The following SVIL variants were observed in gnomAD, a reference collection of about 807,000 sequenced individuals.
SVIL encodes the protein archvillin.
SVIL carries 101 observed loss-of-function variants against 240.4 expected under a neutral mutation model. The ratio of observed to expected loss-of-function variants is 0.42; its 90% confidence interval spans 0.36 to 0.50. The LOEUF is 0.50. Ranked by LOEUF, SVIL falls within the 20% of genes least tolerant of loss-of-function variation. The pLI is 0.01. For synonymous variants in SVIL, 999 were observed against 1,100.0 expected (o/e 0.91, Z 1.82); for missense variants, 2,512 against 2,818.7 (o/e 0.89, Z 2.46).
chr10:29,458,103 G>A lies in SVIL; in HGVS notation c.*144C>T, dbSNP rs1292002730. The stretch of plus-strand genomic sequence containing the variant: ...TACAAAATACACAACTCCGGGACAA[G>A]CAGTATCTTTAACAATGTCAGGTTC... On this transcript the variant is annotated 3_prime_UTR_variant, in exon 38 of 38. Transcript: ENST00000355867. 4 of 772,228 alleles carry A rather than the reference G, an allele frequency of 5.2e-6. No homozygotes were observed. Among genetic ancestry groups the A allele is most frequent in the East Asian group, 5.3e-5 (2 of 37,778 alleles). 47.8% of individuals were successfully genotyped at this position (772,228 alleles called of 1,614,324 possible). A position where few individuals can be genotyped will look rare whatever the true frequency, so the allele number is the denominator to read the frequency against.
intron 32 of SVIL, chr10:29,469,157 T>A (rs1945273047): frequency 6.6e-6 from 1 of 152,232 alleles, no homozygotes; most frequent in Non-Finnish European, 1.5e-5. Context: ...TTTCTTTTCC[T>A]CAGTGGTCCA....
Position 29,480,547 on chromosome 10 carries a change from C to G in SVIL, c.5367G>C (p.Val1789=), listed in dbSNP as rs975281369. The G allele has an allele frequency of 6.2e-7, 1 of 1,612,540 alleles. No individual in the cohort carries two copies. The highest frequency in any genetic ancestry group is 1.3e-5 in the African/African-American group (1 of 74,888). The part of the protein sequence containing the change: ...DAYVVKWKFM[V]STAVGSRQKG... ...CAAGCGCTCACTAACCTGCCGTGCTCACCATGAACTTCCACTTGACCACAT... is the reference window on the plus strand; with the variant it reads ...CAAGCGCTCACTAACCTGCCGTGCTGACCATGAACTTCCACTTGACCACAT... Residue 1789 remains valine, a synonymous_variant, in exon 29 of 38, where the codon GTG becomes GTC. Coordinates refer to ENST00000355867, the MANE Select transcript of SVIL (RefSeq NM_021738.3).
At chr10:29,620,180 A>G (rs796696827) in intron 1 of SVIL, among the ~76,000 whole-genome samples, 4 of 152,312 alleles carry the variant, frequency 2.6e-5, no homozygotes, top group African/African-American at 9.6e-5. Context: ...AAATCAGTCA[A>G]ACTTACAGAT....
At position 29,462,282 on chromosome 10, in the gene SVIL, C is replaced by T. The variant is rs1944354385; in HGVS notation, c.6397G>A (p.Glu2133Lys). The change falls in exon 36 of 38, where the codon GAG becomes AAG. Residue 2133 changes from glutamate (E) to lysine (K), a missense_variant. Glu to Lys is a moderately conservative substitution (Grantham distance 56, BLOSUM62 1). This residue lies in a region of SVIL where 797 missense variants were observed against 925.3 expected (regional missense o/e 0.86). Coordinates refer to ENST00000355867, the MANE Select transcript of SVIL (RefSeq NM_021738.3). ...GGGCAGGAAAGCGTGCTCACCATCT[C>T]TGTGATCTCAGCGATGTCCTCTCTG... ...EHREDIAEIT[E>K]MDTEVSNQIT... 1.2e-6 allele frequency: 2 copies of T among 1,614,174 alleles called. No homozygotes were observed. The highest frequency in any genetic ancestry group is 4.5e-5 in the East Asian group (2 of 44,882).
At chr10:29,462,424 G>T (rs1944371373) in intron 35 of SVIL, 23 bp from the exon 36 acceptor site, 1 of 1,612,988 alleles carries the variant, frequency 6.2e-7, no homozygotes, top group Non-Finnish European at 8.5e-7. Context: ...AGATTGCAAT[G>T]TCAGTAGACC....
chr10:29,599,465 G>T (rs1956731164), intron 1 of SVIL, among the ~76,000 whole-genome samples: 1 of 151,988 alleles, frequency 6.6e-6, no homozygotes, highest in Non-Finnish European at 1.5e-5. Context: ...GCCCAGGCTG[G>T]AGTGCAGAGG....
intron 17 of SVIL, among the ~76,000 whole-genome samples, chr10:29,509,380 A>AGAGAGAGAGAGAGAGT (rs1469849682): frequency 7.0e-6 from 1 of 141,948 alleles, no homozygotes; most frequent in Non-Finnish European, 1.5e-5. Context: ...AGAGAGAGAG[A>AGAGAGAGAGAGAGAGT]ATACCCAAAC....
chr10:29,725,251 G>A (rs940935259), intron 1 of SVIL, among the ~76,000 whole-genome samples: 2 of 151,920 alleles, frequency 1.3e-5, no homozygotes, highest in Admixed American at 6.6e-5. Context: ...GCAGAGGACC[G>A]CTCTTGTGTC....
rs1945102259 is a variant in SVIL, at chr10:29,467,861, G to C, written c.5858C>G (p.Ala1953Gly). Residue 1953 changes from alanine to glycine, a missense_variant, in exon 33 of 38, where the codon GCA (alanine) becomes GGA (glycine). By Grantham distance (60) the Ala-to-Gly change is moderately conservative. Around this residue, in one of 3 missense-constraint regions of SVIL, gnomAD observed 797 missense variants for 925.3 expected, o/e 0.86. Coordinates refer to ENST00000355867, the MANE Select transcript of SVIL (RefSeq NM_021738.3). ...NKIKEQCPLEAGLHSSSKVTI... is the reference protein window; with the variant it reads ...NKIKEQCPLEGGLHSSSKVTI... ...GACTTTGCTGCTACTATGCAGTCCT[G>C]CTTCCAGGGGACATCTGCAAGGGAG... The C allele has an allele frequency of 3.1e-6, 5 of 1,614,146 alleles. No homozygotes were observed. The highest frequency in any genetic ancestry group is 1.3e-5 in the African/African-American group (1 of 75,052).
intron 3 of SVIL, among the ~76,000 whole-genome samples, chr10:29,561,767 G>A (rs1954500930): frequency 6.6e-6 from 1 of 152,160 alleles, no homozygotes; most frequent in Non-Finnish European, 1.5e-5. Context: ...TCCAGGTACC[G>A]TGAACGATTA....
intron 1 of SVIL, among the ~76,000 whole-genome samples, chr10:29,719,206 T>G (rs1323458486): frequency 6.6e-6 from 1 of 152,202 alleles, no homozygotes; most frequent in Non-Finnish European, 1.5e-5. Context: ...GGTTGCAAAT[T>G]TTTTGTGTGT....
At chr10:29,543,106 T>C (rs557849411) in intron 6 of SVIL, among the ~76,000 whole-genome samples, 281 of 152,344 alleles carry the variant, frequency 1.8e-3, no homozygotes, top group African/African-American at 6.6e-3. Context: ...TGTTCCATTA[T>C]TGGAATGCTA....
intron 33 of SVIL, among the ~76,000 whole-genome samples, 168 bp downstream of exon 33, chr10:29,467,574 A>G (rs1945068658): frequency 6.6e-6 from 1 of 152,180 alleles, no homozygotes; most frequent in African/African-American, 2.4e-5. Flanking sequence ...CAGTGGCTCA[A>G]GCCTGCACTT....
At chr10:29,464,262 C>A (rs1331094798) in intron 34 of SVIL, among the ~76,000 whole-genome samples, 1 of 151,872 alleles carries the variant, frequency 6.6e-6, no homozygotes, top group Non-Finnish European at 1.5e-5. Context: ...CATGATGAGA[C>A]CCTATCTCTA....
chr10:29,651,485 G>C (rs1958833284), intron 3 of SVIL, among the ~76,000 whole-genome samples: 1 of 151,970 alleles, frequency 6.6e-6, no homozygotes, highest in African/African-American at 2.4e-5. Context: ...CTCTCGGTAG[G>C]ACTTACTTTG....
chr10:29,560,615 TCA>T (rs894945204), intron 3 of SVIL, among the ~76,000 whole-genome samples: 4 of 152,018 alleles, frequency 2.6e-5, no homozygotes, highest in Admixed American at 2.0e-4. Context: ...CATAAACTTC[TCA>T]CACATAAAAC....
intron 1 of SVIL, among the ~76,000 whole-genome samples, chr10:29,706,059 T>C: frequency 6.6e-6 from 1 of 152,212 alleles, no homozygotes. Context: ...TGCCTGTAGA[T>C]TGACGGGCAT....
intron 1 of SVIL, among the ~76,000 whole-genome samples, chr10:29,601,293 C>G (rs1419053220): frequency 6.6e-6 from 1 of 152,220 alleles, no homozygotes; most frequent in African/African-American, 2.4e-5. Flanking sequence ...CAGTTTTACC[C>G]AATTCCAGAG....
chr10:29,626,999 G>C (rs1032697130), intron 1 of SVIL, among the ~76,000 whole-genome samples: 52 of 151,842 alleles, frequency 3.4e-4, no homozygotes, highest in Non-Finnish European at 5.0e-4. Flanking sequence ...GCTCCAGCCT[G>C]GGAGACTGAG....
Sources: gnomAD v4.1 joint callset for allele counts (sites outside exome capture counted in the v4.1 genomes callset) on GRCh38, gnomAD v4.1.1 for gene constraint, gnomAD v4.1.1 regional missense constraint, MANE v1.5 for transcripts, NCBI Gene and HGNC (gene_info 2026-07-23, HGNC 2026-07-21) for gene names.